Variants in SPART observed in about 807,000 individuals in gnomAD.
SPART encodes spastic paraplegia 20 (Troyer syndrome).
SPART carries 35 observed loss-of-function variants against 58.7 expected under a neutral mutation model. The ratio of observed to expected loss-of-function variants is 0.60; its 90% CI spans 0.46 to 0.79. The LOEUF is 0.79. Among genes scored for constraint, SPART ranks in the 30% least tolerant of loss-of-function variants. The pLI, the probability that SPART is intolerant of heterozygous loss-of-function variation, is 0.00. For synonymous variants in SPART, 284 were observed against 280.7 expected, an observed-to-expected ratio of 1.01 and a Z score of -0.12; for missense variants, 730 against 786.1, an observed-to-expected ratio of 0.93 and a Z score of 0.85.
At chr13:36,329,566 T>C in intron 3 of SPART, 49 bp from the exon 4 acceptor site, 10 of 1,587,974 alleles carry the variant, frequency 6.3e-6, no homozygotes, top group Non-Finnish European at 8.6e-6. Context: ...TTTTCTTAGA[T>C]GGCTTTCTGC....
Position 36,331,560 on chromosome 13 carries a change from A to T in SPART, c.847T>A (p.Ser283Thr). 1 of 1,614,126 alleles carries T rather than the reference A, an allele frequency of 6.2e-7. No homozygotes were observed. Among genetic ancestry groups the T allele is most frequent in the Non-Finnish European group, 8.5e-7 (1 of 1,180,004 alleles). Reference protein sequence around the residue: ...DWLYPLVPDRSPVLKCTAGAY... With the variant: ...DWLYPLVPDRTPVLKCTAGAY... ...CCCGCAGTACATTTCAGAACCGGAGATCTATCAGGAACTAGAGGATATAAC... is the reference window on the plus strand; with the variant it reads ...CCCGCAGTACATTTCAGAACCGGAGTTCTATCAGGAACTAGAGGATATAAC... Residue 283 changes from serine (S) to threonine (T), a missense_variant, in exon 3 of 9, where the codon TCT (serine) becomes ACT (threonine). Coordinates refer to ENST00000438666, the MANE Select transcript of SPART (RefSeq NM_015087.5).
At chr13:36,365,429 T>C (rs1423839745) in intron 1 of SPART, 1 of 344,066 alleles carries the variant, frequency 2.9e-6, no homozygotes, top group Non-Finnish European at 5.6e-6. Flanking sequence ...TTATTCTTTT[T>C]CATTTTTATT....
upstream of SPART, among the ~76,000 whole-genome samples, chr13:36,350,882 A>G (rs1885383577): frequency 6.6e-6 from 1 of 152,200 alleles, no homozygotes. Context: ...AGGAAATAGC[A>G]CATAAAAAAT....
At chr13:36,355,168 G>C (rs1462198997) in intron 1 of SPART, among the ~76,000 whole-genome samples, 1 of 152,088 alleles carries the variant, frequency 6.6e-6, no homozygotes, top group African/African-American at 2.4e-5. Context: ...TTTGTTGTTG[G>C]TTTTCTTTTT....
chr13:36,345,284 A>G (rs1436102628), intron 1 of SPART, among the ~76,000 whole-genome samples: 1 of 152,218 alleles, frequency 6.6e-6, no homozygotes, highest in South Asian at 2.1e-4. Flanking sequence ...ACCCGAAACC[A>G]CATTACAGAA....
chr13:36,332,523 A>G (rs192579419), intron 2 of SPART, among the ~76,000 whole-genome samples: 2 of 152,200 alleles, frequency 1.3e-5, no homozygotes, highest in Non-Finnish European at 2.9e-5. Flanking sequence ...ATAAATGAAT[A>G]AATAAGAAAT....
chr13:36,302,831 T>A lies in SPART; in HGVS notation c.*1534A>T, dbSNP rs1880119678. The A allele has an allele frequency of 6.6e-6, 1 of 152,118 alleles. No homozygotes were observed. Among genetic ancestry groups the A allele is most frequent in the South Asian group, 2.1e-4 (1 of 4,826 alleles). The allele number at this position is 152,118 out of a possible 1,614,324, so 9.4% of individuals were successfully genotyped here. ...GCTATCAAATACTACAACAAATTCGTTCTAACTATATTTTCGTACCCATTA... is the reference window on the plus strand; with the variant it reads ...GCTATCAAATACTACAACAAATTCGATCTAACTATATTTTCGTACCCATTA... On this transcript the variant is annotated 3_prime_UTR_variant, in exon 9 of 9. Transcript: ENST00000438666.
rs139819321 is a variant in SPART, at chr13:36,314,401, C to A, written c.1309G>T (p.Gly437Cys). Residue 437 changes from glycine (G) to cysteine (C), a missense_variant, in exon 6 of 9, where the codon GGT becomes TGT. Transcript: ENST00000438666. The stretch of plus-strand genomic sequence containing the variant: ...GTAATCTCAGCACCTTTGACTAAAC[C>A]CCAACTCACCCAGGAAGCACCTTTT... ...ILSGASWVSW[G>C]LVKGAEITGK... The A allele has an allele frequency of 4.8e-5, 77 of 1,613,790 alleles. No individual in the cohort carries two copies. Among genetic ancestry groups the A allele is most frequent in the Non-Finnish European group, 6.2e-5 (73 of 1,179,984 alleles).
chr13:36,324,759 C>T (rs561199942), intron 5 of SPART, among the ~76,000 whole-genome samples: 2 of 152,208 alleles, frequency 1.3e-5, no homozygotes, highest in South Asian at 2.1e-4. Flanking sequence ...TGGGTGCAAG[C>T]GGGCTGAGAC....
In SPART at chr13:36,329,452, AGAG is replaced by A. The variant is rs762094058; in HGVS notation, c.1071_1073del (p.Ser358del). 8 of 1,613,994 alleles carry A rather than the reference AGAG, an allele frequency of 5.0e-6. No homozygotes were observed. In the Admixed American group the frequency reaches 8.3e-5, roughly 17 times the overall value. ...TGCCAGAGGCTTCTTTTAGTTGGTC[AGAG>A]GAGGGTCTAGTTCTTCCAGGGATTT... On this transcript the variant is annotated inframe_deletion, in exon 4 of 9. Coordinates refer to ENST00000438666, the MANE Select transcript of SPART (RefSeq NM_015087.5).
rs920258847 is a variant in SPART, at chr13:36,355,552, A to G, written c.-3+14537T>C. Among the ~76,000 whole-genome samples, 5 of 152,250 alleles carry G rather than the reference A, an allele frequency of 3.3e-5. No individual in the cohort carries two copies. The East Asian group carries it at 9.6e-4, about 29-fold the overall frequency. Reference sequence around the variant, plus strand: ...ACAGCACAGAAAATGACATGCCAACATATCTCCTACTATATATGTTACTTG... The same window carrying G: ...ACAGCACAGAAAATGACATGCCAACGTATCTCCTACTATATATGTTACTTG... On this transcript the variant is annotated intron_variant, in intron 1 of 8. Coordinates refer to the SPART transcript ENST00000355182.
At chr13:36,326,017 C>T (rs1593249009) in intron 5 of SPART, 1 of 153,060 alleles carries the variant, frequency 6.5e-6, no homozygotes, top group South Asian at 2.1e-4. Context: ...GGGCCCACTT[C>T]CTGGTTCATA....
At chr13:36,332,105 A>C (rs1048635878) in intron 2 of SPART, among the ~76,000 whole-genome samples, 1 of 152,206 alleles carries the variant, frequency 6.6e-6, no homozygotes, top group Non-Finnish European at 1.5e-5. Context: ...AGGTCAATTA[A>C]GTCGCCCAGA....
At chr13:36,345,545 T>C (rs1344793497) in intron 1 of SPART, 1 of 152,192 alleles carries the variant, frequency 6.6e-6, no homozygotes, top group Non-Finnish European at 1.5e-5. Context: ...CTCGGTGGAC[T>C]ACTAGCGCAC....
At chr13:36,358,022 A>C (rs993958631) in intron 1 of SPART, among the ~76,000 whole-genome samples, 7 of 152,334 alleles carry the variant, frequency 4.6e-5, no homozygotes, top group African/African-American at 1.2e-4. Context: ...TGATTGCCCA[A>C]ATGAACTGAT....
At position 36,335,406 on chromosome 13, in the gene SPART, T is replaced by C. The variant is rs1280391127; in HGVS notation, c.425A>G (p.Asn142Ser). Reference sequence around the variant, plus strand: ...TGCACTTGGAGTTGAGGTGTTTCCATTTACTTCAGCATGCTGAGGAGCTGA... The same window carrying C: ...TGCACTTGGAGTTGAGGTGTTTCCACTTACTTCAGCATGCTGAGGAGCTGA... The part of the protein sequence containing the change: ...FSSAPQHAEV[N>S]GNTSTPSAGA... The change falls in exon 2 of 9, where the codon AAT becomes AGT. Residue 142 changes from asparagine to serine, a missense_variant. Physicochemically the swap from Asn to Ser is conservative, Grantham distance 46. Transcript: ENST00000438666. 1 of 1,614,106 alleles carries C rather than the reference T, an allele frequency of 6.2e-7. No individual in the cohort carries two copies. The highest frequency in any genetic ancestry group is 1.7e-5 in the Admixed American group (1 of 59,988).
At chr13:36,339,284 C>G (rs1593271117) in intron 1 of SPART, among the ~76,000 whole-genome samples, 2 of 151,684 alleles carry the variant, frequency 1.3e-5, no homozygotes, top group Admixed American at 1.3e-4. Context: ...AGAAAATGCC[C>G]AGAAAGCAGA....
intron 3 of SPART, among the ~76,000 whole-genome samples, chr13:36,330,374 G>T (rs1234351036): frequency 2.0e-5 from 3 of 151,916 alleles, no homozygotes; most frequent in African/African-American, 4.8e-5. Flanking sequence ...GTATTGGTTT[G>T]TTGACCACCA....
In SPART at chr13:36,303,285, C is replaced by T. The variant is rs1198507597; in HGVS notation, c.*1080G>A. The T allele has an allele frequency of 6.6e-6, 1 of 152,010 alleles. No individual in the cohort carries two copies. Among genetic ancestry groups the T allele is most frequent in the East Asian group, 1.9e-4 (1 of 5,184 alleles). 9.4% of individuals were successfully genotyped at this position (152,010 alleles called of 1,614,324 possible). A position where few individuals can be genotyped will look rare whatever the true frequency, so the allele number is the denominator to read the frequency against. The stretch of plus-strand genomic sequence containing the variant: ...ATACCAATCTCTTAAATTCAATAAA[C>T]AAAAATTAAATACCATTAGGTATTT... On this transcript the variant is annotated 3_prime_UTR_variant, in exon 9 of 9. Coordinates refer to ENST00000438666, the MANE Select transcript of SPART (RefSeq NM_015087.5).
Sources: allele counts gnomAD v4.1 joint callset (sites outside exome capture counted in the v4.1 genomes callset), GRCh38; gene constraint gnomAD v4.1.1; transcripts MANE v1.5; gene names NCBI Gene and HGNC (gene_info 2026-07-23, HGNC 2026-07-21).